Variants in B3GALT1 observed in about 807,000 individuals in gnomAD.
B3GALT1 encodes the protein UDP-Gal:betaGlcNAc beta 1,3-galactosyltransferase, polypeptide 1.
B3GALT1 carries 10 observed loss-of-function variants against 23.2 expected under a neutral mutation model. That is an observed-to-expected ratio of 0.43 (90% confidence interval 0.27 to 0.73). B3GALT1 has a LOEUF of 0.73. Ranked by LOEUF, B3GALT1 falls within the 30% of genes least tolerant of loss-of-function variation. The pLI is 0.21. For synonymous variants in B3GALT1, 156 were observed against 141.5 expected, an observed-to-expected ratio of 1.10 and a Z score of -0.73; for missense variants, 299 against 405.4, an observed-to-expected ratio of 0.74 and a Z score of 2.25.
At chr2:167,652,899 A>T (rs951315394) in intron 3 of B3GALT1, among the ~76,000 whole-genome samples, 2 of 152,188 alleles carry the variant, frequency 1.3e-5, no homozygotes, top group African/African-American at 4.8e-5. Flanking sequence ...AAGTCATACC[A>T]TAAGAAAAAC....
intron 3 of B3GALT1, among the ~76,000 whole-genome samples, chr2:167,752,107 T>C (rs1394899796): frequency 1.3e-5 from 2 of 152,062 alleles, no homozygotes; most frequent in Admixed American, 6.5e-5. Context: ...AACTTTTACA[T>C]TGTAAAAAGA....
chr2:167,368,353 C>A (rs1290643296), intron 1 of B3GALT1, among the ~76,000 whole-genome samples: 1 of 152,138 alleles, frequency 6.6e-6, no homozygotes, highest in Admixed American at 6.5e-5. Context: ...AAATGAAATT[C>A]TGTTGAATTC....
rs555528234 is a variant in B3GALT1, at chr2:167,455,717, T to C, written c.-510-34460T>C. 3.9e-5 allele frequency among the ~76,000 whole-genome samples: 6 copies of C among 152,234 alleles called. No individual in the cohort carries two copies. The East Asian group carries it at 1.2e-3, about 29-fold the overall frequency. On this transcript the variant is annotated intron_variant, in intron 1 of 4. Coordinates refer to ENST00000392690, the MANE Select transcript of B3GALT1 (RefSeq NM_020981.4). ...TAATAGAGACGAGATTTCACCATAT[T>C]GGACACACTGGTGTCCAACTCCTGA...
At chr2:167,435,668 A>T (rs1340394751) in intron 1 of B3GALT1, among the ~76,000 whole-genome samples, 1 of 152,066 alleles carries the variant, frequency 6.6e-6, no homozygotes, top group Admixed American at 6.6e-5. Flanking sequence ...ATAAGCTCAA[A>T]GATACATAGA....
At position 167,311,658 on chromosome 2, in the gene B3GALT1, AC is replaced by A. The variant is rs147265462; in HGVS notation, c.-511+18325del. ...AATGTCTGTAAAGGTGACATAACAT[AC>A]TTGAAAAAGAATCATATTAAGATTA... On this transcript the variant is annotated intron_variant, in intron 1 of 4. Coordinates refer to ENST00000392690, the MANE Select transcript of B3GALT1 (RefSeq NM_020981.4). Among the ~76,000 whole-genome samples the A allele has an allele frequency of 3.2e-3, 483 of 152,170 alleles. 21 individuals carry two copies. The East Asian group carries it at 0.065, about 20-fold the overall frequency.
intron 2 of B3GALT1, among the ~76,000 whole-genome samples, chr2:167,606,418 T>C (rs1330277650): frequency 2.0e-5 from 3 of 152,222 alleles, no homozygotes; most frequent in African/African-American, 7.2e-5. Flanking sequence ...ATTAAACTTA[T>C]TCATTATCAT....
intron 1 of B3GALT1, among the ~76,000 whole-genome samples, chr2:167,446,592 T>C (rs1228053730): frequency 6.6e-6 from 1 of 152,202 alleles, no homozygotes; most frequent in Non-Finnish European, 1.5e-5. Context: ...TAAACTTCTC[T>C]TCTTGCTTCA....
At chr2:167,344,541 G>T (rs1697198952) in intron 1 of B3GALT1, among the ~76,000 whole-genome samples, 1 of 152,000 alleles carries the variant, frequency 6.6e-6, no homozygotes, top group Admixed American at 6.6e-5. Flanking sequence ...TATAGGTGCA[G>T]GGCAACATGC....
At chr2:167,857,339 C>G (rs2105425788) in intron 4 of B3GALT1, among the ~76,000 whole-genome samples, 1 of 151,994 alleles carries the variant, frequency 6.6e-6, no homozygotes, top group South Asian at 2.1e-4. Context: ...TTCACAGAGT[C>G]TAAATGAGAA....
In B3GALT1 at chr2:167,872,401, GT is replaced by G. The variant is rs1358960258; in HGVS notation, c.*2385del. 1 of 152,180 alleles carries G rather than the reference GT, an allele frequency of 6.6e-6. No individual in the cohort carries two copies. The highest frequency in any genetic ancestry group is 2.4e-5 in the African/African-American group (1 of 41,422). 9.4% of individuals were successfully genotyped at this position (152,180 alleles called of 1,614,324 possible). ...CATCTTATGGTCAGCAGGACTGCTG[GT>G]TTTGATTAGACAATAGCAATTAGGT... On this transcript the variant is annotated 3_prime_UTR_variant, in exon 5 of 5. Coordinates refer to ENST00000392690, the MANE Select transcript of B3GALT1 (RefSeq NM_020981.4).
At chr2:167,658,101 T>C (rs1026750876) in intron 3 of B3GALT1, among the ~76,000 whole-genome samples, 18 of 152,264 alleles carry the variant, frequency 1.2e-4, no homozygotes, top group African/African-American at 4.3e-4. Context: ...ATTTGGTAAG[T>C]ATGTGCTATG....
chr2:167,494,062 A>G (rs1489653858), intron 2 of B3GALT1, among the ~76,000 whole-genome samples: 4 of 152,178 alleles, frequency 2.6e-5, no homozygotes. Context: ...AGAGTATGCC[A>G]ACAAGATTGA....
intron 2 of B3GALT1, among the ~76,000 whole-genome samples, chr2:167,563,374 C>T (rs1239901636): frequency 7.2e-6 from 1 of 139,478 alleles, no homozygotes; most frequent in Non-Finnish European, 1.6e-5. Context: ...CCCCACCTCC[C>T]TCCCTCCCGG....
chr2:167,744,661 G>C (rs1341466696), intron 3 of B3GALT1, among the ~76,000 whole-genome samples: 2 of 151,536 alleles, frequency 1.3e-5, no homozygotes, highest in South Asian at 2.1e-4. Flanking sequence ...GCATGATCAC[G>C]GCTCACTGCA....
intron 2 of B3GALT1, among the ~76,000 whole-genome samples, chr2:167,534,745 G>A (rs1683387040): frequency 6.6e-6 from 1 of 152,056 alleles, no homozygotes; most frequent in South Asian, 2.1e-4. Context: ...ATGAGGGGAG[G>A]GCACAGCTAC....
At chr2:167,743,011 C>T (rs1456059526) in intron 3 of B3GALT1, among the ~76,000 whole-genome samples, 3 of 152,038 alleles carry the variant, frequency 2.0e-5, no homozygotes, top group African/African-American at 7.2e-5. Context: ...TTCATAAAAA[C>T]CATATCATAC....
chr2:167,705,096 A>T (rs1686948855), intron 3 of B3GALT1, among the ~76,000 whole-genome samples: 1 of 152,138 alleles, frequency 6.6e-6, no homozygotes, highest in African/African-American at 2.4e-5. Flanking sequence ...TTGACTCTCT[A>T]TGAGAACATG....
chr2:167,424,759 G>A (rs1698600301), intron 1 of B3GALT1, among the ~76,000 whole-genome samples: 1 of 152,162 alleles, frequency 6.6e-6, no homozygotes, highest in African/African-American at 2.4e-5. Context: ...TATAGCCAAC[G>A]GGGTTCTTGT....
intron 1 of B3GALT1, among the ~76,000 whole-genome samples, chr2:167,319,267 A>C (rs182349528): frequency 5.5e-4 from 84 of 152,194 alleles, no homozygotes; most frequent in Non-Finnish European, 1.2e-3. Flanking sequence ...GTATCTCTAA[A>C]CATATAAGGG....
Sources: allele counts gnomAD v4.1 joint callset (sites outside exome capture counted in the v4.1 genomes callset), GRCh38; gene constraint gnomAD v4.1.1; transcripts MANE v1.5; gene names NCBI Gene and HGNC (gene_info 2026-07-23, HGNC 2026-07-21).